Variants in FHAD1 observed in about 807,000 individuals in gnomAD.
FHAD1 encodes forkhead-associated domain-containing protein 1.
Under a neutral mutation model 191.3 loss-of-function variants are expected in FHAD1, and 146 were observed. The ratio of observed to expected loss-of-function variants is 0.76; its 90% confidence interval spans 0.67 to 0.88. FHAD1 has a LOEUF of 0.88. Ranked by LOEUF, FHAD1 falls within the 40% of genes least tolerant of loss-of-function variation. The pLI is 0.00. For missense variants in FHAD1, 1,635 were observed against 1,785.8 expected (o/e 0.92, Z 1.52); for synonymous variants, 616 against 672.3 (o/e 0.92, Z 1.29).
chr1:15,349,057 A>G lies in FHAD1; in HGVS notation c.2362A>G (p.Ile788Val), dbSNP rs1689915662. Residue 788 changes from isoleucine to valine, a missense_variant, in exon 19 of 34, where the codon ATA becomes GTA. Transcript: ENST00000688493. ...ARQKEVLESS[I>V]AHEKRKAKEA... ...TGATTTTCAGGTTTTGGAGAGCAGC[A>G]TAGCCCATGAAAAAAGAAAAGCAAA... 1 of 1,551,668 alleles carries G rather than the reference A, an allele frequency of 6.4e-7. No homozygotes were observed. Among genetic ancestry groups the G allele is most frequent in the Non-Finnish European group, 8.7e-7 (1 of 1,146,942 alleles).
intron 19 of FHAD1, among the ~76,000 whole-genome samples, chr1:15,350,686 G>C (rs1346341925): frequency 6.6e-6 from 1 of 152,230 alleles, no homozygotes; most frequent in East Asian, 1.9e-4. Flanking sequence ...TGCCATGTGG[G>C]TGTGGTGGCA....
chr1:15,398,535 A>G (rs141418033), downstream of FHAD1, among the ~76,000 whole-genome samples: 1 of 152,244 alleles, frequency 6.6e-6, no homozygotes, highest in Non-Finnish European at 1.5e-5. Flanking sequence ...TCTTGAACCC[A>G]GGTTTCTAAT....
intron 19 of FHAD1, among the ~76,000 whole-genome samples, chr1:15,349,514 G>A (rs1361930044): frequency 6.6e-6 from 1 of 152,218 alleles, no homozygotes; most frequent in East Asian, 1.9e-4. Flanking sequence ...GCCAGGGTCA[G>A]GGGCTTAGTG....
chr1:15,289,283 C>A lies in FHAD1; in HGVS notation c.301-116C>A, dbSNP rs564011325. On this transcript the variant is annotated intron_variant, in intron 3 of 33. Coordinates refer to ENST00000688493, the MANE Select transcript of FHAD1 (RefSeq NM_001391957.1). This position sits in a 1 kb window ranked among gnomAD's most constrained non-coding sequence, Gnocchi z 4.2. ...GATTATAGCTGTGTGCCACCCTGCC[C>A]GACCGGAAGTGACTCATAAACCAAG... 4 of 1,377,860 alleles carry A rather than the reference C, an allele frequency of 2.9e-6. No homozygotes were observed. Among genetic ancestry groups the A allele is most frequent in the Non-Finnish European group, 3.9e-6 (4 of 1,033,854 alleles). The allele number at this position is 1,377,860 out of a possible 1,614,324, so 85.4% of individuals were successfully genotyped here.
At chr1:15,278,399 C>T (rs1361118209) in intron 3 of FHAD1, among the ~76,000 whole-genome samples, 4 of 151,342 alleles carry the variant, frequency 2.6e-5, no homozygotes, top group East Asian at 3.9e-4. Context: ...CTAGGAACTG[C>T]GCTGGTTAAT....
chr1:15,376,045 TTTTA>T lies in FHAD1; in HGVS notation c.3705+347_3705+350del, dbSNP rs1236529137. Among the ~76,000 whole-genome samples the T allele has an allele frequency of 1.0e-3, 134 of 130,794 alleles. 1 individual carries two copies. Among genetic ancestry groups the T allele is most frequent in the Non-Finnish European group, 1.8e-3 (112 of 61,924 alleles). 85.8% of individuals were successfully genotyped at this position (130,794 alleles called of 152,430 possible). ...TATTTTTTATTTTTATTTATTTTTATTTTATTTATTTATTTATTTATTTATTTAT... is the reference window on the plus strand; with the variant it reads ...TATTTTTTATTTTTATTTATTTTTATTTTATTTATTTATTTATTTATTTAT... On this transcript the variant is annotated intron_variant, in intron 28 of 33. Transcript: ENST00000688493.
chr1:15,361,664 T>C (rs1232333692), intron 22 of FHAD1, among the ~76,000 whole-genome samples: 2 of 151,360 alleles, frequency 1.3e-5, no homozygotes, highest in East Asian at 3.9e-4. Context: ...GGACAAAGAG[T>C]GGAGTTCAGT....
At chr1:15,333,049 A>G (rs1405328527) in intron 14 of FHAD1, among the ~76,000 whole-genome samples, 3 of 152,176 alleles carry the variant, frequency 2.0e-5, no homozygotes, top group Non-Finnish European at 2.9e-5. Flanking sequence ...CTGGCTACAT[A>G]TTCTGTGATT....
intron 5 of FHAD1, among the ~76,000 whole-genome samples, chr1:15,300,112 C>T (rs1406726448): frequency 6.6e-6 from 1 of 152,204 alleles, no homozygotes; most frequent in East Asian, 1.9e-4. Context: ...TGAATCACAT[C>T]GGGGAATTTT....
At chr1:15,244,202 GA>G (rs1489904055), upstream of FHAD1, among the ~76,000 whole-genome samples, 2 of 152,162 alleles carry the variant, frequency 1.3e-5, no homozygotes, top group East Asian at 3.8e-4. The surrounding 1 kb of genome is among the most constrained non-coding windows in gnomAD (Gnocchi z 5.1). Flanking sequence ...GGATGATACG[GA>G]ATTGGGTTTC....
At chr1:15,394,670 C>T (rs2103175901) in intron 33 of FHAD1, among the ~76,000 whole-genome samples, 1 of 152,242 alleles carries the variant, frequency 6.6e-6, no homozygotes, top group Non-Finnish European at 1.5e-5. Context: ...TGAAATCTTC[C>T]CAGAATCTCC....
At chr1:15,270,822 A>G (rs1655587032) in intron 2 of FHAD1, among the ~76,000 whole-genome samples, 1 of 138,368 alleles carries the variant, frequency 7.2e-6, no homozygotes, top group African/African-American at 2.5e-5. Flanking sequence ...CGTGCGGATC[A>G]TGAGGTCAGG....
chr1:15,308,876 G>A (rs1384821173), intron 7 of FHAD1, 140 bp downstream of exon 7: 67 of 1,298,344 alleles, frequency 5.2e-5, no homozygotes, highest in Non-Finnish European at 3.2e-6. Flanking sequence ...CAGCCCTTTA[G>A]GCAGTTCCTG....
chr1:15,376,512 A>G (rs1268807767), intron 28 of FHAD1, among the ~76,000 whole-genome samples: 1 of 152,164 alleles, frequency 6.6e-6, no homozygotes, highest in Non-Finnish European at 1.5e-5. Context: ...AAGGCAGGAG[A>G]AGGGATCCGT....
chr1:15,294,026 G>T (rs548395949), intron 4 of FHAD1, among the ~76,000 whole-genome samples: 1 of 152,080 alleles, frequency 6.6e-6, no homozygotes, highest in African/African-American at 2.4e-5. Flanking sequence ...CATGATGTCC[G>T]CTCCCAAACT....
At chr1:15,346,380 A>G (rs1489624952) in intron 18 of FHAD1, among the ~76,000 whole-genome samples, 13 of 152,246 alleles carry the variant, frequency 8.5e-5, no homozygotes, top group Admixed American at 6.5e-5. Flanking sequence ...CTACTTAGCA[A>G]AAATGGACTA....
At chr1:15,315,670 T>C (rs1481212193) in intron 8 of FHAD1, among the ~76,000 whole-genome samples, 1 of 152,034 alleles carries the variant, frequency 6.6e-6, no homozygotes, top group Non-Finnish European at 1.5e-5. Flanking sequence ...GTATTTTTAG[T>C]AGAGACAGGG....
At position 15,340,893 on chromosome 1, in the gene FHAD1, T is replaced by G. The variant is rs972100591; in HGVS notation, c.1978-843T>G. Reference sequence around the variant, plus strand: ...AGCATGGCACTGTTCCAATAAAACTTTATTTACGGCGGGCACGGTGGCTCA... The same window carrying G: ...AGCATGGCACTGTTCCAATAAAACTGTATTTACGGCGGGCACGGTGGCTCA... On this transcript the variant is annotated intron_variant, in intron 15 of 33. Coordinates refer to ENST00000688493, the MANE Select transcript of FHAD1 (RefSeq NM_001391957.1). Among the ~76,000 whole-genome samples the G allele has an allele frequency of 5.3e-5, 8 of 152,022 alleles. No homozygotes were observed. The East Asian group carries it at 1.4e-3, about 26-fold the overall frequency.
At chr1:15,353,042 C>A in intron 20 of FHAD1, 58 bp downstream of exon 20, 1 of 1,289,636 alleles carries the variant, frequency 7.8e-7, no homozygotes, top group South Asian at 1.3e-5. Context: ...GGGCAGTGCT[C>A]TAGAGCCAGG....
Sources: gnomAD v4.1 joint callset for allele counts (sites outside exome capture counted in the v4.1 genomes callset) on GRCh38, gnomAD v4.1.1 for gene constraint, Gnocchi (gnomAD v3.1) non-coding constraint, MANE v1.5 for transcripts, NCBI Gene and HGNC (gene_info 2026-07-23, HGNC 2026-07-21) for gene names.